Variants in PCDHGA6 observed in about 807,000 individuals in gnomAD.
PCDHGA6 encodes protocadherin gamma-A6.
A neutral mutation model predicts 60.6 loss-of-function variants in PCDHGA6; 41 were observed. The ratio of observed to expected loss-of-function variants is 0.68; its 90% CI spans 0.53 to 0.88. The LOEUF is 0.88. PCDHGA6 is among the 40% of genes least tolerant of loss of function. PCDHGA6 has a pLI of 0.00. For missense variants in PCDHGA6, 1,312 were observed against 1,203.0 expected (o/e 1.09, Z -1.34); for synonymous variants, 594 against 524.4 (o/e 1.13, Z -1.81).
chr5:141,420,330 C>G lies in PCDHGA6; in HGVS notation c.2424+43823C>G, dbSNP rs765696240. 711 of 1,399,258 alleles carry G rather than the reference C, an allele frequency of 5.1e-4. 1 individual carries two copies. The highest frequency in any genetic ancestry group is 6.5e-4 in the Non-Finnish European group (676 of 1,043,138). 86.7% of individuals were successfully genotyped at this position (1,399,258 alleles called of 1,614,324 possible). A position where few individuals can be genotyped will look rare whatever the true frequency, so the allele number is the denominator to read the frequency against. On this transcript the variant is annotated intron_variant, in intron 1 of 3. Coordinates refer to ENST00000517434, the MANE Select transcript of PCDHGA6 (RefSeq NM_018919.3). Reference sequence around the variant, plus strand: ...TTATATTACAATATGCCAATATATTCCAATATAGTGGTATTATTTTAAGAT... The same window carrying G: ...TTATATTACAATATGCCAATATATTGCAATATAGTGGTATTATTTTAAGAT...
Position 141,505,566 on chromosome 5 carries a change from A to G in PCDHGA6, c.2572+85A>G, listed in dbSNP as rs1363426407. 1.4e-5 allele frequency: 22 copies of G among 1,599,886 alleles called. No individual in the cohort carries two copies. In the East Asian group the frequency reaches 4.7e-4, roughly 34 times the overall value. ...CACAGCCACCATGCCCACGGACTGGATGTCAAACCTGTGTAGTTTCTCCAG... is the reference window on the plus strand; with the variant it reads ...CACAGCCACCATGCCCACGGACTGGGTGTCAAACCTGTGTAGTTTCTCCAG... On this transcript the variant is annotated intron_variant, in intron 3 of 3. Coordinates refer to ENST00000517434, the MANE Select transcript of PCDHGA6 (RefSeq NM_018919.3).
At chr5:141,404,481 A>T in intron 1 of PCDHGA6, 1 of 1,613,836 alleles carries the variant, frequency 6.2e-7, no homozygotes, top group Non-Finnish European at 8.5e-7. Context: ...ATTAACTCAG[A>T]CACTGGTGTG....
At chr5:141,379,660 C>T (rs922191885) in intron 1 of PCDHGA6, 1 of 152,100 alleles carries the variant, frequency 6.6e-6, no homozygotes, top group African/African-American at 2.4e-5. Flanking sequence ...CTTCTACTCT[C>T]ACAAAAGTCA....
In PCDHGA6 at chr5:141,431,184, T is replaced by G. The variant is rs754537015; in HGVS notation, c.2424+54677T>G. The G allele has an allele frequency of 5.6e-6, 9 of 1,614,090 alleles. No homozygotes were observed. Among genetic ancestry groups the G allele is most frequent in the Non-Finnish European group, 6.8e-6 (8 of 1,180,050 alleles). ...CGTGAAAGTGAATTAGAAATAAAAA[T>G]TAGTGAAAATGCAGCCACTGAGATG... On this transcript the variant is annotated intron_variant, in intron 1 of 3. Transcript: ENST00000517434. The surrounding 1 kb of genome is among the most constrained non-coding windows in gnomAD (Gnocchi z 4.8).
intron 3 of PCDHGA6, among the ~76,000 whole-genome samples, chr5:141,506,402 G>C (rs1032556978): frequency 7.0e-6 from 1 of 143,732 alleles, no homozygotes; most frequent in African/African-American, 2.6e-5. Context: ...GCAGAAAATC[G>C]CACCACTGCA....
chr5:141,469,410 A>G (rs2099200490), intron 1 of PCDHGA6, among the ~76,000 whole-genome samples: 1 of 152,128 alleles, frequency 6.6e-6, no homozygotes, highest in Non-Finnish European at 1.5e-5. Context: ...CCCCGTTTCT[A>G]CTAAAAATAT....
intron 1 of PCDHGA6, among the ~76,000 whole-genome samples, chr5:141,469,102 A>G (rs1423904196): frequency 6.6e-6 from 1 of 151,626 alleles, no homozygotes; most frequent in East Asian, 1.9e-4. Flanking sequence ...CAAAGCAAGA[A>G]CCTGTCTCTA....
chr5:141,418,523 C>T (rs2096266495), intron 1 of PCDHGA6: 1 of 1,613,958 alleles, frequency 6.2e-7, no homozygotes, highest in Non-Finnish European at 8.5e-7. Context: ...GGACCCTCCC[C>T]GAAGCGGTAC....
chr5:141,413,530 A>G (rs879218343), intron 1 of PCDHGA6: 1 of 1,613,954 alleles, frequency 6.2e-7, no homozygotes, highest in Non-Finnish European at 8.5e-7. Context: ...AGACAGGGTG[A>G]AACTTTTTGG....
chr5:141,429,573 T>G (rs1026656206), intron 1 of PCDHGA6, among the ~76,000 whole-genome samples: 3 of 152,206 alleles, frequency 2.0e-5, no homozygotes, highest in Non-Finnish European at 4.4e-5. Context: ...TCAGTTACAT[T>G]TACTTTTGAT....
chr5:141,409,862 G>A (rs1359567076), intron 1 of PCDHGA6: 19 of 1,612,352 alleles, frequency 1.2e-5, no homozygotes, highest in Non-Finnish European at 1.5e-5. Flanking sequence ...GTTGGTGGGA[G>A]ACCGCAATGA....
intron 1 of PCDHGA6, among the ~76,000 whole-genome samples, chr5:141,483,557 G>A (rs141633312): frequency 4.5e-4 from 69 of 152,276 alleles, no homozygotes; most frequent in Admixed American, 1.9e-3. Context: ...GCCATTCACA[G>A]AGACAGTGAA....
chr5:141,439,390 C>T (rs528547728), intron 1 of PCDHGA6, among the ~76,000 whole-genome samples: 1 of 152,266 alleles, frequency 6.6e-6, no homozygotes, highest in South Asian at 2.1e-4. Flanking sequence ...GTCATCACTT[C>T]GACTTCATGT....
At chr5:141,495,104 G>C (rs552664771) in intron 2 of PCDHGA6, among the ~76,000 whole-genome samples, 16 of 152,194 alleles carry the variant, frequency 1.1e-4, no homozygotes, top group Admixed American at 8.5e-4. Flanking sequence ...CGCCACGACC[G>C]GCACCTTTTC....
At chr5:141,422,791 G>T (rs2096673253) in intron 1 of PCDHGA6, 2 of 1,614,020 alleles carry the variant, frequency 1.2e-6, no homozygotes, top group South Asian at 1.1e-5. Context: ...ACAATCCTTC[G>T]ACTATGAGCA....
In PCDHGA6 at chr5:141,419,975, G is replaced by A. The variant is rs372316838; in HGVS notation, c.2424+43468G>A. ...CTTGATTTCTGTGCTCTTTCTCCTC[G>A]CGGTGATTCTAGCTATTGCTCTACG... On this transcript the variant is annotated intron_variant, in intron 1 of 3. Coordinates refer to ENST00000517434, the MANE Select transcript of PCDHGA6 (RefSeq NM_018919.3). 273 of 1,613,928 alleles carry A rather than the reference G, an allele frequency of 1.7e-4. No homozygotes were observed. The highest frequency in any genetic ancestry group is 2.2e-4 in the Non-Finnish European group (261 of 1,179,916).
chr5:141,409,571 T>TACGTGGTCC (rs2095286242), intron 1 of PCDHGA6: 2 of 1,613,932 alleles, frequency 1.2e-6, no homozygotes, highest in East Asian at 4.5e-5. Context: ...CCAGACGTCC[T>TACGTGGTCC]ACGTGGTCCA....
At chr5:141,488,146 A>G (rs1458115635) in intron 1 of PCDHGA6, among the ~76,000 whole-genome samples, 2 of 152,164 alleles carry the variant, frequency 1.3e-5, no homozygotes, top group South Asian at 4.1e-4. Context: ...AACTAAAGGA[A>G]TAGAGAGGCA....
chr5:141,399,071 T>C (rs2093748237), intron 1 of PCDHGA6: 1 of 1,613,808 alleles, frequency 6.2e-7, no homozygotes. Flanking sequence ...TCAATGGTTG[T>C]AGAAGGGAGG....
Sources: gnomAD v4.1 joint callset for allele counts (sites outside exome capture counted in the v4.1 genomes callset) on GRCh38, gnomAD v4.1.1 for gene constraint, Gnocchi (gnomAD v3.1) non-coding constraint, MANE v1.5 for transcripts, NCBI Gene and HGNC (gene_info 2026-07-23, HGNC 2026-07-21) for gene names.